The following ZFHX3 variants were observed in gnomAD, a reference collection of about 807,000 sequenced individuals.
ZFHX3 encodes the protein zinc finger homeobox 3, also known as zinc finger homeobox protein 3.
A neutral mutation model predicts 279.1 loss-of-function variants in ZFHX3; 42 were observed. The observed-to-expected ratio is 0.15, with a 90% CI of 0.12 to 0.19. The LOEUF is 0.19. Ranked by LOEUF, ZFHX3 falls within the 10% of genes least tolerant of loss-of-function variation. ZFHX3 has a pLI of 1.00. For missense variants in ZFHX3, 4,981 were observed against 4,754.0 expected (o/e 1.05, Z -1.40); for synonymous variants, 2,293 against 1,957.8 (o/e 1.17, Z -4.52).
intron 3 of ZFHX3, among the ~76,000 whole-genome samples, chr16:72,906,061 G>A (rs959401214): frequency 6.6e-6 from 1 of 151,756 alleles, no homozygotes. Context: ...CTCCAGCTAC[G>A]CCCAAACTCT....
rs143088740 is a variant in ZFHX3, at chr16:73,070,033, C to T, written c.-532-11021G>A. On this transcript the variant is annotated intron_variant, in intron 8 of 17. Transcript: ENST00000641206. ...AGATAAAGTTTCCAGAGGTCCCTTT[C>T]CCATTTTAAAGTGCCCCGAACTCCT... 2.6e-5 allele frequency among the ~76,000 whole-genome samples: 4 copies of T among 152,278 alleles called. No individual in the cohort carries two copies. In the East Asian group the frequency reaches 5.8e-4, roughly 22 times the overall value.
chr16:73,166,653 T>G (rs1445466205), intron 5 of ZFHX3, among the ~76,000 whole-genome samples: 1 of 152,118 alleles, frequency 6.6e-6, no homozygotes, highest in African/African-American at 2.4e-5. Flanking sequence ...TCCCTCTGAT[T>G]TGGGGGAAAC....
At chr16:73,574,011 T>A (rs1224293978) in intron 2 of ZFHX3, among the ~76,000 whole-genome samples, 1 of 152,198 alleles carries the variant, frequency 6.6e-6, no homozygotes. Context: ...GTCTTCCTTT[T>A]TTCCTTTCTT....
In ZFHX3 at chr16:73,543,000, G is replaced by T. The variant is rs118114980; in HGVS notation, c.-1546-86742C>A. 6.9e-3 allele frequency among the ~76,000 whole-genome samples: 1,043 copies of T among 152,242 alleles called. 7 individuals are homozygous for T. The highest frequency in any genetic ancestry group is 0.011 in the Non-Finnish European group (715 of 68,026). On this transcript the variant is annotated intron_variant, in intron 2 of 17. Coordinates refer to the ZFHX3 transcript ENST00000641206. ...AAGAGAAGATCAGATGAGCTTTGTA[G>T]TTTTTAACCGTATATTTCCAGGTGC...
At chr16:73,032,745 T>A (rs1964752513) in intron 1 of ZFHX3, among the ~76,000 whole-genome samples, 1 of 151,666 alleles carries the variant, frequency 6.6e-6, no homozygotes, top group Non-Finnish European at 1.5e-5. Context: ...TTTCTTTTCC[T>A]CCTCCTCCCC....
At chr16:73,511,315 C>T (rs970896753) in intron 2 of ZFHX3, among the ~76,000 whole-genome samples, 2 of 152,308 alleles carry the variant, frequency 1.3e-5, no homozygotes, top group African/African-American at 4.8e-5. Context: ...GACCTCACTC[C>T]TATCATCTGA....
chr16:73,743,789 A>G (rs2053680032), intron 1 of ZFHX3, among the ~76,000 whole-genome samples: 1 of 152,146 alleles, frequency 6.6e-6, no homozygotes, highest in South Asian at 2.1e-4. Context: ...TGTCACCTGG[A>G]AAGAAATGAT....
At chr16:73,402,932 C>A (rs934717060) in intron 3 of ZFHX3, among the ~76,000 whole-genome samples, 1 of 151,848 alleles carries the variant, frequency 6.6e-6, no homozygotes, top group Admixed American at 6.6e-5. Flanking sequence ...TAATTCTTAA[C>A]CTGTATTCCA....
chr16:73,636,103 A>G (rs1299916953), intron 2 of ZFHX3, among the ~76,000 whole-genome samples: 2 of 152,102 alleles, frequency 1.3e-5, no homozygotes, highest in African/African-American at 2.4e-5. Context: ...ATCCATTCCC[A>G]TATTTTCAGA....
intron 2 of ZFHX3, among the ~76,000 whole-genome samples, chr16:73,515,502 G>C (rs1296437447): frequency 6.6e-6 from 1 of 150,564 alleles, no homozygotes; most frequent in Non-Finnish European, 1.5e-5. Flanking sequence ...AGAGGAGAGA[G>C]AGAAAGAGAG....
At chr16:73,399,601 A>G (rs1361519579) in intron 3 of ZFHX3, among the ~76,000 whole-genome samples, 2 of 152,144 alleles carry the variant, frequency 1.3e-5, no homozygotes, top group Non-Finnish European at 2.9e-5. Flanking sequence ...TTGACATGCT[A>G]CGGTGCACTG....
At chr16:73,694,200 G>A (rs2053174481) in intron 1 of ZFHX3, among the ~76,000 whole-genome samples, 1 of 152,050 alleles carries the variant, frequency 6.6e-6, no homozygotes, top group African/African-American at 2.4e-5. Flanking sequence ...GCTCATGTCT[G>A]TAGTCCCAGC....
chr16:73,678,515 A>G (rs2052976895), intron 2 of ZFHX3, among the ~76,000 whole-genome samples: 1 of 152,186 alleles, frequency 6.6e-6, no homozygotes, highest in Admixed American at 6.5e-5. Flanking sequence ...TATTGTTTTC[A>G]TAAAAATACT....
intron 5 of ZFHX3, among the ~76,000 whole-genome samples, chr16:73,172,988 GTTT>G (rs1296855983): frequency 2.2e-5 from 1 of 46,170 alleles, no homozygotes; most frequent in East Asian, 8.7e-4. Flanking sequence ...TGATGGGACT[GTTT>G]TTTTGTTTTT....
chr16:73,168,050 A>T (rs979727010), intron 5 of ZFHX3, among the ~76,000 whole-genome samples: 3 of 152,178 alleles, frequency 2.0e-5, no homozygotes, highest in Admixed American at 6.5e-5. Flanking sequence ...ATATAAAATC[A>T]TCTGCTTATT....
intron 5 of ZFHX3, among the ~76,000 whole-genome samples, chr16:73,228,803 G>A (rs543866059): frequency 2.0e-5 from 3 of 152,262 alleles, no homozygotes; most frequent in African/African-American, 7.2e-5. Flanking sequence ...CTGGGATTAC[G>A]TGGTCTCATT....
At chr16:72,902,819 A>G (rs1459678231) in intron 3 of ZFHX3, among the ~76,000 whole-genome samples, 1 of 152,184 alleles carries the variant, frequency 6.6e-6, no homozygotes, top group East Asian at 1.9e-4. Context: ...CCTTAGCACC[A>G]AACAGCCAGA....
At chr16:73,690,431 C>T (rs764009690) in intron 1 of ZFHX3, among the ~76,000 whole-genome samples, 1 of 152,190 alleles carries the variant, frequency 6.6e-6, no homozygotes, top group African/African-American at 2.4e-5. Flanking sequence ...CTGAGCTGCA[C>T]ACTCCTCAAA....
At chr16:73,494,776 C>A (rs190322320) in intron 2 of ZFHX3, among the ~76,000 whole-genome samples, 22 of 151,400 alleles carry the variant, frequency 1.5e-4, no homozygotes, top group Admixed American at 1.3e-3. Context: ...CCACGTTGAT[C>A]AGGCTGGTCT....
Sources: gnomAD v4.1 joint callset for allele counts (sites outside exome capture counted in the v4.1 genomes callset) on GRCh38, gnomAD v4.1.1 for gene constraint, MANE v1.5 for transcripts, NCBI Gene and HGNC (gene_info 2026-07-23, HGNC 2026-07-21) for gene names.